The following CADM1 variants were observed in gnomAD, a reference collection of about 807,000 sequenced individuals.
CADM1 encodes the protein TSLC-1.
A neutral mutation model predicts 53.1 loss-of-function variants in CADM1; 15 were observed. That is an observed-to-expected ratio of 0.28 (90% confidence interval 0.19 to 0.44). The LOEUF (loss-of-function observed/expected upper bound fraction) is 0.44. Among genes scored for constraint, CADM1 ranks in the 20% least tolerant of loss-of-function variants. The pLI, the probability that CADM1 is intolerant of heterozygous loss-of-function variation, is 1.00. For missense variants in CADM1, 434 were observed against 611.3 expected, an observed-to-expected ratio of 0.71 and a Z score of 3.06; for synonymous variants, 281 against 243.0, an observed-to-expected ratio of 1.16 and a Z score of -1.45.
At chr11:115,329,131 CTTTTATACTTCCTTACTCTACCTGCAAG>C (rs1945064802) in intron 1 of CADM1, among the ~76,000 whole-genome samples, 2 of 151,786 alleles carry the variant, frequency 1.3e-5, no homozygotes, top group South Asian at 4.2e-4. Flanking sequence ...TAATTTAGCA[CTTTTATACTTCCTTACTCTACCTGCAAG>C]TTTTCTAGTT....
intron 1 of CADM1, among the ~76,000 whole-genome samples, chr11:115,319,834 T>C (rs1271344533): frequency 1.3e-5 from 2 of 152,176 alleles, no homozygotes; most frequent in African/African-American, 4.8e-5. Flanking sequence ...ATAAACCATG[T>C]AGATGATGAA....
chr11:115,418,925 A>G (rs1947683792), intron 1 of CADM1, among the ~76,000 whole-genome samples: 1 of 152,228 alleles, frequency 6.6e-6, no homozygotes, highest in Non-Finnish European at 1.5e-5. Context: ...TCAAGAGCCC[A>G]TTGAATCATA....
At chr11:115,303,280 T>A (rs990500274) in intron 1 of CADM1, among the ~76,000 whole-genome samples, 1 of 152,030 alleles carries the variant, frequency 6.6e-6, no homozygotes, top group Non-Finnish European at 1.5e-5. Context: ...CCAGTATGCA[T>A]GTAATCACTG....
chr11:115,495,714 GT>G (rs1287557683), intron 1 of CADM1, among the ~76,000 whole-genome samples: 2 of 150,982 alleles, frequency 1.3e-5, no homozygotes, highest in Non-Finnish European at 2.9e-5. Context: ...AAAGTCAAAC[GT>G]GTTGAAAACA....
intron 1 of CADM1, among the ~76,000 whole-genome samples, chr11:115,247,869 C>T (rs1033933269): frequency 2.0e-5 from 3 of 152,172 alleles, no homozygotes; most frequent in African/African-American, 7.2e-5. Context: ...ACAATTCCGC[C>T]CTCAACTTAC....
chr11:115,444,939 C>T (rs555630635), intron 1 of CADM1, among the ~76,000 whole-genome samples: 14 of 152,128 alleles, frequency 9.2e-5, no homozygotes, highest in Non-Finnish European at 1.2e-4. Context: ...GGGGCAGGCA[C>T]GTGGAGGGGT....
chr11:115,229,267 T>C lies in CADM1; in HGVS notation c.567A>G (p.Lys189=), dbSNP rs1565311594. ...TGTCTGACCACTCTTCCACCTCCGA[T>C]TTGCCTGGGGAACAGAAAATGTACC... The part of the protein sequence containing the change: ...WFKGNTELKG[K]SEVEEWSDMY... Residue 189 remains lysine, a synonymous_variant, in exon 5 of 12, where the codon AAA becomes AAG. Transcript: ENST00000331581. 1.9e-6 allele frequency: 3 copies of C among 1,614,050 alleles called. No individual in the cohort carries two copies. The highest frequency in any genetic ancestry group is 2.7e-5 in the African/African-American group (2 of 75,050).
intron 8 of CADM1, among the ~76,000 whole-genome samples, chr11:115,198,984 A>C (rs2134680829): frequency 6.6e-6 from 1 of 152,368 alleles, no homozygotes; most frequent in South Asian, 2.1e-4. Flanking sequence ...GTAGATGAAT[A>C]GACAGGTTTA....
At chr11:115,269,324 T>C (rs1943234138) in intron 1 of CADM1, among the ~76,000 whole-genome samples, 1 of 152,132 alleles carries the variant, frequency 6.6e-6, no homozygotes, top group Non-Finnish European at 1.5e-5. Flanking sequence ...GTCTGCTGTT[T>C]CTTCCCAGAG....
intron 1 of CADM1, among the ~76,000 whole-genome samples, chr11:115,431,915 CAT>C (rs1010583149): frequency 4.3e-4 from 64 of 149,800 alleles, no homozygotes; most frequent in East Asian, 2.5e-3. Context: ...AATATTATAC[CAT>C]ATATATATAT....
rs1938939464 is a variant in CADM1 at position 115,174,679 on chromosome 11, G to T, written c.*1795C>A. ...AATCAGCATAAGTTTTCCACATAAT[G>T]TAACAATAGTAAAAATGCACCTTGC... On this transcript the variant is annotated 3_prime_UTR_variant, in exon 12 of 12. Coordinates refer to ENST00000331581, the MANE Select transcript of CADM1 (RefSeq NM_001301043.2). 6.1e-6 allele frequency: 6 copies of T among 979,854 alleles called. No individual in the cohort carries two copies. The Admixed American group carries it at 2.5e-4, about 40-fold the overall frequency. 60.7% of individuals were successfully genotyped at this position (979,854 alleles called of 1,614,324 possible).
intron 8 of CADM1, among the ~76,000 whole-genome samples, chr11:115,198,940 T>C (rs1940291934): frequency 6.6e-6 from 1 of 152,238 alleles, no homozygotes; most frequent in Admixed American, 6.5e-5. Flanking sequence ...AATCACACTT[T>C]TAGGATCCTT....
At chr11:115,353,839 G>A (rs181931254) in intron 1 of CADM1, among the ~76,000 whole-genome samples, 6 of 152,120 alleles carry the variant, frequency 3.9e-5, no homozygotes, top group African/African-American at 1.4e-4. Context: ...CCTGGATATC[G>A]TCTCATCCCA....
At chr11:115,315,205 C>A (rs921052181) in intron 1 of CADM1, among the ~76,000 whole-genome samples, 3 of 152,142 alleles carry the variant, frequency 2.0e-5, no homozygotes, top group Non-Finnish European at 4.4e-5. Flanking sequence ...AAAAAGGACT[C>A]TTTTAATGGA....
At chr11:115,267,429 T>C (rs555258831) in intron 1 of CADM1, among the ~76,000 whole-genome samples, 1 of 152,226 alleles carries the variant, frequency 6.6e-6, no homozygotes, top group Admixed American at 6.5e-5. Flanking sequence ...GTGTGCTATC[T>C]CCTTGAGGGA....
At chr11:115,492,932 TAC>T (rs57800253) in intron 1 of CADM1, among the ~76,000 whole-genome samples, 13,055 of 146,554 alleles carry the variant, frequency 0.089, 731 homozygotes, top group Middle Eastern at 0.15. Flanking sequence ...GGATATTTTA[TAC>T]ACACACACAC....
intron 1 of CADM1, among the ~76,000 whole-genome samples, chr11:115,447,750 C>T (rs1948483565): frequency 6.6e-6 from 1 of 152,134 alleles, no homozygotes; most frequent in Non-Finnish European, 1.5e-5. Context: ...AGAGTGCCTC[C>T]AAAGAGACAC....
chr11:115,344,561 C>T (rs1314862078), intron 1 of CADM1, among the ~76,000 whole-genome samples: 1 of 152,154 alleles, frequency 6.6e-6, no homozygotes, highest in Admixed American at 6.6e-5. Flanking sequence ...ACCTCACCCT[C>T]CACTGAGGCC....
chr11:115,470,937 C>T (rs892903429), intron 1 of CADM1, among the ~76,000 whole-genome samples: 1 of 152,204 alleles, frequency 6.6e-6, no homozygotes, highest in Admixed American at 6.5e-5. Context: ...ACTGGTCCCC[C>T]TCTCTGCAGT....
Sources: allele counts gnomAD v4.1 joint callset (sites outside exome capture counted in the v4.1 genomes callset), GRCh38; gene constraint gnomAD v4.1.1; transcripts MANE v1.5; gene names NCBI Gene and HGNC (gene_info 2026-07-23, HGNC 2026-07-21).